Variants in GABRB1 observed in about 807,000 individuals in gnomAD.
GABRB1 encodes gamma-aminobutyric acid receptor subunit beta-1.
Under a neutral mutation model 51.6 loss-of-function variants are expected in GABRB1, and 17 were observed. The observed-to-expected ratio is 0.33, with a 90% CI of 0.23 to 0.49. The LOEUF (loss-of-function observed/expected upper bound fraction) is 0.49, where lower values mean the gene tolerates loss of function less well. Ranked by LOEUF, GABRB1 falls within the 20% of genes least tolerant of loss-of-function variation. The pLI, the probability that GABRB1 is intolerant of heterozygous loss-of-function variation, is 0.99. For synonymous variants in GABRB1, 247 were observed against 218.9 expected, an observed-to-expected ratio of 1.13 and a Z score of -1.14; for missense variants, 410 against 600.6, an observed-to-expected ratio of 0.68 and a Z score of 3.32.
chr4:47,183,488 G>A (rs565246554), intron 4 of GABRB1, among the ~76,000 whole-genome samples: 2 of 150,932 alleles, frequency 1.3e-5, no homozygotes, highest in East Asian at 3.9e-4. Flanking sequence ...ATTTAAGATA[G>A]CCAGCACCCT....
chr4:47,089,588 G>A (rs1728215421), intron 3 of GABRB1, among the ~76,000 whole-genome samples: 1 of 151,920 alleles, frequency 6.6e-6, no homozygotes. Context: ...ATTTAAATAG[G>A]AGTTCTGAAG....
At chr4:47,008,629 AT>A (rs71193894) in intron 1 of GABRB1, among the ~76,000 whole-genome samples, 8,490 of 117,476 alleles carry the variant, frequency 0.072, 186 homozygotes, top group South Asian at 0.12. Context: ...CACCCAGCTA[AT>A]TTTTTTTTTT....
intron 3 of GABRB1, among the ~76,000 whole-genome samples, chr4:47,137,682 A>C (rs1476947936): frequency 6.6e-6 from 1 of 152,138 alleles, no homozygotes; most frequent in East Asian, 1.9e-4. Flanking sequence ...TATGAATCAG[A>C]GTATCTACCA....
intron 5 of GABRB1, among the ~76,000 whole-genome samples, chr4:47,373,129 A>G (rs1465694802): frequency 6.6e-6 from 1 of 152,196 alleles, no homozygotes; most frequent in Non-Finnish European, 1.5e-5. Flanking sequence ...CCAGTGAAGT[A>G]GTGTGTCCTT....
intron 5 of GABRB1, among the ~76,000 whole-genome samples, chr4:47,339,002 A>G (rs1264177657): frequency 6.6e-6 from 1 of 152,212 alleles, no homozygotes; most frequent in Non-Finnish European, 1.5e-5. Flanking sequence ...AACTTGGTTA[A>G]TAATTCAGAT....
intron 4 of GABRB1, among the ~76,000 whole-genome samples, chr4:47,209,243 A>G (rs185879475): frequency 1.5e-3 from 232 of 152,188 alleles, no homozygotes; most frequent in South Asian, 3.5e-3. Context: ...GACAGGGCTG[A>G]CCACCGTCAC....
upstream of GABRB1, among the ~76,000 whole-genome samples, chr4:47,028,795 G>A (rs1053101995): frequency 5.4e-5 from 8 of 147,258 alleles, no homozygotes; most frequent in African/African-American, 1.5e-4. Flanking sequence ...ATGTATATGT[G>A]TATATATGTG....
intron 4 of GABRB1, among the ~76,000 whole-genome samples, chr4:47,268,746 TA>T (rs1453248337): frequency 6.6e-6 from 1 of 152,210 alleles, no homozygotes; most frequent in Non-Finnish European, 1.5e-5. Context: ...CTGATAGCAT[TA>T]AAATGCTTAT....
intron 3 of GABRB1, among the ~76,000 whole-genome samples, chr4:47,045,390 G>A (rs1726036290): frequency 1.3e-5 from 2 of 152,036 alleles, no homozygotes; most frequent in African/African-American, 4.8e-5. Context: ...CCCTGACCCT[G>A]AGTAGGTACT....
chr4:47,091,212 A>C (rs978244230), intron 3 of GABRB1, among the ~76,000 whole-genome samples: 3 of 152,146 alleles, frequency 2.0e-5, no homozygotes, highest in African/African-American at 4.8e-5. Context: ...TATCCTGCTC[A>C]AAAAAGTCCG....
At chr4:47,013,305 G>T (rs1000960801) in intron 1 of GABRB1, among the ~76,000 whole-genome samples, 6 of 152,078 alleles carry the variant, frequency 3.9e-5, no homozygotes, top group Non-Finnish European at 8.8e-5. Context: ...TAAGCTGGGT[G>T]CCCACCACCA....
At chr4:47,203,095 T>C (rs1028108508) in intron 4 of GABRB1, among the ~76,000 whole-genome samples, 2 of 152,168 alleles carry the variant, frequency 1.3e-5, no homozygotes, top group East Asian at 3.9e-4. Flanking sequence ...GGCATTTAAG[T>C]ATGTCAGCAC....
At chr4:47,308,087 TA>T (rs1359081509) in intron 4 of GABRB1, among the ~76,000 whole-genome samples, 1 of 152,026 alleles carries the variant, frequency 6.6e-6, no homozygotes, top group Non-Finnish European at 1.5e-5. Flanking sequence ...AAAAATAATA[TA>T]TTCATGAAAA....
chr4:47,186,954 T>A (rs1039484611), intron 4 of GABRB1, among the ~76,000 whole-genome samples: 2 of 151,954 alleles, frequency 1.3e-5, no homozygotes, highest in African/African-American at 4.8e-5. Context: ...CAGAAATCCC[T>A]ATGAGGTAAA....
chr4:47,317,324 C>T (rs1259505523), intron 4 of GABRB1, among the ~76,000 whole-genome samples: 1 of 151,916 alleles, frequency 6.6e-6, no homozygotes, highest in Admixed American at 6.6e-5. Flanking sequence ...GAATATTCCC[C>T]TCTTGACAAT....
Position 47,320,297 on chromosome 4 carries a change from G to C in GABRB1, c.544+88G>C, listed in dbSNP as rs563994831. 5.1e-5 allele frequency: 44 copies of C among 857,752 alleles called. No homozygotes were observed. In the African/African-American group the frequency reaches 6.2e-4, roughly 12 times the overall value. The allele number at this position is 857,752 out of a possible 1,614,324, so 53.1% of individuals were successfully genotyped here. On this transcript the variant is annotated intron_variant, in intron 5 of 8. Transcript: ENST00000295454. Reference sequence around the variant, plus strand: ...TTCTCACTGAGTTAATTAGCACCAGGATTTTCTAGCTGCGCTTGCCTGATA... The same window carrying C: ...TTCTCACTGAGTTAATTAGCACCAGCATTTTCTAGCTGCGCTTGCCTGATA...
chr4:47,056,991 A>G (rs1156997275), intron 3 of GABRB1, among the ~76,000 whole-genome samples: 1 of 152,108 alleles, frequency 6.6e-6, no homozygotes, highest in Non-Finnish European at 1.5e-5. Context: ...CTGTAATCCC[A>G]GCTACTCAGG....
At chr4:47,212,313 G>T in intron 4 of GABRB1, among the ~76,000 whole-genome samples, 1 of 152,148 alleles carries the variant, frequency 6.6e-6, no homozygotes, top group East Asian at 1.9e-4. Context: ...CAACATCCAT[G>T]CACTTCAGTC....
At chr4:47,113,918 C>G (rs1306848845) in intron 3 of GABRB1, among the ~76,000 whole-genome samples, 1 of 152,156 alleles carries the variant, frequency 6.6e-6, no homozygotes, top group Non-Finnish European at 1.5e-5. Flanking sequence ...CCAGATACCA[C>G]CTATAGTTGA....
Sources: gnomAD v4.1 joint callset for allele counts (sites outside exome capture counted in the v4.1 genomes callset) on GRCh38, gnomAD v4.1.1 for gene constraint, MANE v1.5 for transcripts, NCBI Gene and HGNC (gene_info 2026-07-23, HGNC 2026-07-21) for gene names.